The following TRIM28 variants were observed in gnomAD, a reference collection of about 807,000 sequenced individuals.
The protein encoded by TRIM28 is transcription intermediary factor 1-beta.
TRIM28 carries 8 observed loss-of-function variants against 87.4 expected under a neutral mutation model. That is an observed-to-expected ratio of 0.09 (90% CI 0.05 to 0.17). The LOEUF is 0.17. Ranked by LOEUF, TRIM28 falls within the 10% of genes least tolerant of loss-of-function variation. TRIM28 has a pLI of 1.00. For synonymous variants in TRIM28, 601 were observed against 454.3 expected, an observed-to-expected ratio of 1.32 and a Z score of -4.11; for missense variants, 968 against 1,131.8, an observed-to-expected ratio of 0.86 and a Z score of 2.08.
At position 58,550,412 on chromosome 19, in the gene TRIM28, G is replaced by A. The variant is rs750472364; in HGVS notation, c.2367G>A (p.Gln789=). The change falls in exon 17 of 17, where the codon CAG becomes CAA. Residue 789 remains glutamine, a synonymous_variant. Transcript: ENST00000253024. The part of the protein sequence containing the change: ...KADVQSIIGL[Q]RFFETRMNEA... The stretch of plus-strand genomic sequence containing the variant: ...ACGTGCAGTCCATCATCGGCCTGCA[G>A]CGCTTCTTCGAGACGCGCATGAACG... The A allele has an allele frequency of 3.7e-6, 6 of 1,613,892 alleles. No individual in the cohort carries two copies. In the Admixed American group the frequency reaches 5.0e-5, roughly 13 times the overall value.
rs985241922 is a variant in TRIM28, at chr19:58,548,929, C to T, written c.1409+19C>T. Reference sequence around the variant, plus strand: ...TGAAACGGTAAGTATGGCACCTCCCCTGGGGGTGAGGTGGATGGAGGGTGG... The same window carrying T: ...TGAAACGGTAAGTATGGCACCTCCCTTGGGGGTGAGGTGGATGGAGGGTGG... On this transcript the variant is annotated intron_variant, in intron 11 of 16. Coordinates refer to ENST00000253024, the MANE Select transcript of TRIM28 (RefSeq NM_005762.3). 9.3e-6 allele frequency: 15 copies of T among 1,613,956 alleles called. No homozygotes were observed. Among genetic ancestry groups the T allele is most frequent in the Non-Finnish European group, 1.2e-5 (14 of 1,179,994 alleles).
chr19:58,545,616 G>A (rs2053754683), intron 2 of TRIM28, 79 bp downstream of exon 2: 1 of 1,483,958 alleles, frequency 6.7e-7, no homozygotes, highest in Non-Finnish European at 9.3e-7. Context: ...ACCAGCTCCA[G>A]GCTGTTACTC....
chr19:58,550,258 T>C lies in TRIM28; in HGVS notation c.2305T>C (p.Phe769Leu). The C allele has an allele frequency of 6.2e-7, 1 of 1,614,108 alleles. No individual in the cohort carries two copies. Among genetic ancestry groups the C allele is most frequent in the Non-Finnish European group, 8.5e-7 (1 of 1,179,998 alleles). The change falls in exon 16 of 17, where the codon TTC becomes CTC. Residue 769 changes from phenylalanine to leucine, a missense_variant. Coordinates refer to ENST00000253024, the MANE Select transcript of TRIM28 (RefSeq NM_005762.3). ...GTTTGCCCAGGATGTGGGCCGCATG[T>C]TCAAGCAATTCAACAAGTTAACTGA... ...QEFAQDVGRM[F>L]KQFNKLTEDK...
Position 58,545,895 on chromosome 19 carries a change from T to G in TRIM28, c.585T>G (p.Thr195=), listed in dbSNP as rs200096329. 1.3e-6 allele frequency: 2 copies of G among 1,588,236 alleles called. No individual in the cohort carries two copies. The part of the protein sequence containing the change: ...KYTKDHTVRS[T]GPAKSRDGER... ...CCAAGGACCATACTGTGCGCTCTAC[T>G]GGTACATGAGGCTGAGGGGGGCTGT... Residue 195 remains threonine, a splice_region_variant and synonymous_variant, in exon 3 of 17, where the codon ACT becomes ACG. Coordinates refer to ENST00000253024, the MANE Select transcript of TRIM28 (RefSeq NM_005762.3).
rs1310123566 is a variant in TRIM28, at chr19:58,544,863, C to G, written c.106C>G (p.Pro36Ala). 7.6e-7 allele frequency: 1 copy of G among 1,307,916 alleles called. No individual in the cohort carries two copies. Among genetic ancestry groups the G allele is most frequent in the Non-Finnish European group, 9.7e-7 (1 of 1,031,204 alleles). The allele number at this position is 1,307,916 out of a possible 1,614,324, so 81.0% of individuals were successfully genotyped here. The part of the protein sequence containing the change: ...SAGGEKRSTA[P>A]SAAASASASA... ...TGGCGGCGAAAAGCGCTCCACCGCC[C>G]CTTCGGCCGCAGCCTCGGCCTCTGC... The change falls in exon 1 of 17, where the codon CCT (proline) becomes GCT (alanine). Residue 36 changes from proline (P) to alanine (A), a missense_variant. Coordinates refer to ENST00000253024, the MANE Select transcript of TRIM28 (RefSeq NM_005762.3).
rs776336313 is a variant in TRIM28 at position 58,545,547 on chromosome 19, A to G, written c.453+10A>G. 3 of 1,600,820 alleles carry G rather than the reference A, an allele frequency of 1.9e-6. No individual in the cohort carries two copies. The highest frequency in any genetic ancestry group is 2.2e-5 in the East Asian group (1 of 44,774). ...CCAGGATGCGAACCAGGTGCGTCCTATCTCAGCAACCACAAGGAGGTTTCT... is the reference window on the plus strand; with the variant it reads ...CCAGGATGCGAACCAGGTGCGTCCTGTCTCAGCAACCACAAGGAGGTTTCT... On this transcript the variant is annotated intron_variant, in intron 2 of 16. Transcript: ENST00000253024.
At position 58,550,231 on chromosome 19, in the gene TRIM28, G is replaced by C; in HGVS notation, c.2278G>C (p.Glu760Gln). The C allele has an allele frequency of 6.2e-7, 1 of 1,614,098 alleles. No individual in the cohort carries two copies. Among genetic ancestry groups the C allele is most frequent in the Non-Finnish European group, 8.5e-7 (1 of 1,180,004 alleles). ...GTCACCTCCCTACAGCTCCCCACAG[G>C]AGTTTGCCCAGGATGTGGGCCGCAT... is the stretch of plus-strand genomic sequence containing the variant. Reference protein sequence around the residue: ...KLSPPYSSPQEFAQDVGRMFK... With the variant: ...KLSPPYSSPQQFAQDVGRMFK... The change falls in exon 16 of 17, where the codon GAG (glutamate) becomes CAG (glutamine). Residue 760 changes from glutamate (E) to glutamine (Q), a missense_variant. By Grantham distance (29) the Glu-to-Gln change is conservative. Around this residue, in one of 11 missense-constraint regions of TRIM28, gnomAD observed 192 missense variants for 225.6 expected, o/e 0.85. Transcript: ENST00000253024.
chr19:58,545,908 T>G lies in TRIM28; in HGVS notation c.586+12T>G. The G allele has an allele frequency of 1.3e-6, 2 of 1,577,678 alleles. No homozygotes were observed. Among genetic ancestry groups the G allele is most frequent in the Non-Finnish European group, 1.7e-6 (2 of 1,154,046 alleles). ...TGTGCGCTCTACTGGTACATGAGGC[T>G]GAGGGGGGCTGTTGGAGTTGTTCTC... On this transcript the variant is annotated intron_variant, in intron 3 of 16. Coordinates refer to ENST00000253024, the MANE Select transcript of TRIM28 (RefSeq NM_005762.3).
chr19:58,547,492 A>G lies in TRIM28; in HGVS notation c.703A>G (p.Asn235Asp). The G allele has an allele frequency of 6.2e-7, 1 of 1,614,042 alleles. No homozygotes were observed. The highest frequency in any genetic ancestry group is 8.5e-7 in the Non-Finnish European group (1 of 1,180,002). ...TCTCACCTGCCGAGACTGCCAGCTCAATGCCCACAAGGACCACCAGTGAGT... is the reference window on the plus strand; with the variant it reads ...TCTCACCTGCCGAGACTGCCAGCTCGATGCCCACAAGGACCACCAGTGAGT... The part of the protein sequence containing the change: ...DTLTCRDCQL[N>D]AHKDHQYQFL... The change falls in exon 4 of 17, where the codon AAT becomes GAT. Residue 235 changes from asparagine (N) to aspartate (D), a missense_variant. By Grantham distance (23) the Asn-to-Asp change is conservative. Transcript: ENST00000253024.
Position 58,550,711 on chromosome 19 carries a change from C to T in TRIM28, c.*158C>T, listed in dbSNP as rs745342751. ...TCTGTGGATTTAATAAAAACTTCAC[C>T]AGTTCCTCAGGCGTTGGCTGGTTGG... On this transcript the variant is annotated 3_prime_UTR_variant, in exon 17 of 17. Transcript: ENST00000253024. The T allele has an allele frequency of 4.0e-5, 32 of 792,376 alleles. No individual in the cohort carries two copies. Among genetic ancestry groups the T allele is most frequent in the Non-Finnish European group, 5.8e-5 (30 of 513,922 alleles). The allele number at this position is 792,376 out of a possible 1,614,324, so 49.1% of individuals were successfully genotyped here.
At position 58,549,994 on chromosome 19, in the gene TRIM28, C is replaced by T. The variant is rs1205877891; in HGVS notation, c.2152C>T (p.Arg718Cys). 1.2e-6 allele frequency: 2 copies of T among 1,614,104 alleles called. No homozygotes were observed. Among genetic ancestry groups the T allele is most frequent in the Non-Finnish European group, 1.7e-6 (2 of 1,179,994 alleles). The stretch of plus-strand genomic sequence containing the variant: ...GGCCCTATTCTGTCACGAACCCTGC[C>T]GCCCCCTGCATCAGCTGGCTACCGA... ...LLALFCHEPC[R>C]PLHQLATDST... The change falls in exon 15 of 17, where the codon CGC becomes TGC. Residue 718 changes from arginine to cysteine, a missense_variant. This residue lies in a region of TRIM28 where 192 missense variants were observed against 225.6 expected (regional missense o/e 0.85). Coordinates refer to ENST00000253024, the MANE Select transcript of TRIM28 (RefSeq NM_005762.3). This position sits in a 1 kb window ranked among gnomAD's most constrained non-coding sequence, Gnocchi z 4.4.
In TRIM28 at chr19:58,547,804, G is replaced by C. The variant is rs755382796; in HGVS notation, c.852G>C (p.Val284=). 3.7e-6 allele frequency: 6 copies of C among 1,614,162 alleles called. No individual in the cohort carries two copies. Among genetic ancestry groups the C allele is most frequent in the Non-Finnish European group, 3.4e-6 (4 of 1,180,038 alleles). ...CTGTGTCCCCTAGAATCCGCCAGGTGTCTGACGTACAGAAGCGTGTGCAAG... is the reference window on the plus strand; with the variant it reads ...CTGTGTCCCCTAGAATCCGCCAGGTCTCTGACGTACAGAAGCGTGTGCAAG... The part of the protein sequence containing the change: ...TKEVRSSIRQ[V]SDVQKRVQVD... The change falls in exon 6 of 17, where the codon GTG becomes GTC. Residue 284 remains valine (V), a synonymous_variant. Transcript: ENST00000253024.
intron 5 of TRIM28, 36 bp from the exon 6 acceptor site, chr19:58,547,756 A>G: frequency 6.2e-7 from 1 of 1,613,900 alleles, no homozygotes; most frequent in Middle Eastern, 1.7e-4. Context: ...CCAGGGCAGC[A>G]AGACCCTACC....
intron 2 of TRIM28, 108 bp from the exon 3 acceptor site, chr19:58,545,656 T>C: frequency 6.5e-7 from 1 of 1,535,464 alleles, no homozygotes; most frequent in South Asian, 1.2e-5. Context: ...GTGGGCTGCC[T>C]AGGTTGGGTC....
chr19:58,544,737 G>T lies in TRIM28; in HGVS notation c.-21G>T, dbSNP rs1033843395. ...GCCCCGCGCCCCTCCTCCCCCCCTGGGCGCCCCCGGCGGCGTGTGAATGGC... is the reference window on the plus strand; with the variant it reads ...GCCCCGCGCCCCTCCTCCCCCCCTGTGCGCCCCCGGCGGCGTGTGAATGGC... On this transcript the variant is annotated 5_prime_UTR_variant, in exon 1 of 17. Transcript: ENST00000253024. 18 of 1,057,472 alleles carry T rather than the reference G, an allele frequency of 1.7e-5. No individual in the cohort carries two copies. The highest frequency in any genetic ancestry group is 2.1e-5 in the Non-Finnish European group (18 of 877,678). The allele number at this position is 1,057,472 out of a possible 1,614,324, so 65.5% of individuals were successfully genotyped here. A position where few individuals can be genotyped will look rare whatever the true frequency, so the allele number is the denominator to read the frequency against.
In TRIM28 at chr19:58,548,198, C is replaced by G. The variant is rs768997920; in HGVS notation, c.1101+18C>G. ...AGAAGTTGGTGTGTACTGGTGGGCT[C>G]CTGGCTGGTGGGTTCCAGGCAGGTG... On this transcript the variant is annotated intron_variant, in intron 7 of 16. Coordinates refer to ENST00000253024, the MANE Select transcript of TRIM28 (RefSeq NM_005762.3). 9 of 1,613,624 alleles carry G rather than the reference C, an allele frequency of 5.6e-6. No homozygotes were observed. Among genetic ancestry groups the G allele is most frequent in the Non-Finnish European group, 7.6e-6 (9 of 1,179,542 alleles).
rs200549746 is a variant in TRIM28 at position 58,547,789 on chromosome 19, T to C, written c.840-3T>C. ...ACCTAGCCTGACCTGCTGTGTCCCCTAGAATCCGCCAGGTGTCTGACGTAC... is the reference window on the plus strand; with the variant it reads ...ACCTAGCCTGACCTGCTGTGTCCCCCAGAATCCGCCAGGTGTCTGACGTAC... On this transcript the variant is annotated splice_region_variant and splice_polypyrimidine_tract_variant and intron_variant, in intron 5 of 16. Transcript: ENST00000253024. 1.9e-6 allele frequency: 3 copies of C among 1,614,072 alleles called. No individual in the cohort carries two copies. In the East Asian group the frequency reaches 6.7e-5, roughly 36 times the overall value.
chr19:58,548,730 T>A lies in TRIM28; in HGVS notation c.1324-10T>A, dbSNP rs749030497. 8.7e-6 allele frequency: 14 copies of A among 1,613,512 alleles called. No homozygotes were observed. In the South Asian group the frequency reaches 1.5e-4, roughly 18 times the overall value. On this transcript the variant is annotated splice_polypyrimidine_tract_variant and intron_variant, in intron 9 of 16. Transcript: ENST00000253024. ...TCCCACTGAGGCAGAGGGTTCTGCTTTGTTCACAGCCCATGGAGGTGCAGG... is the reference window on the plus strand; with the variant it reads ...TCCCACTGAGGCAGAGGGTTCTGCTATGTTCACAGCCCATGGAGGTGCAGG...
rs1002315257 is a variant in TRIM28, at chr19:58,544,736, G to T, written c.-22G>T. 3.8e-6 allele frequency: 4 copies of T among 1,053,370 alleles called. No individual in the cohort carries two copies. Among genetic ancestry groups the T allele is most frequent in the African/African-American group, 1.7e-5 (1 of 58,332 alleles). 65.3% of individuals were successfully genotyped at this position (1,053,370 alleles called of 1,614,324 possible). A position where few individuals can be genotyped will look rare whatever the true frequency, so the allele number is the denominator to read the frequency against. On this transcript the variant is annotated 5_prime_UTR_variant, in exon 1 of 17. Coordinates refer to ENST00000253024, the MANE Select transcript of TRIM28 (RefSeq NM_005762.3). ...GGCCCCGCGCCCCTCCTCCCCCCCT[G>T]GGCGCCCCCGGCGGCGTGTGAATGG...
Sources: allele counts gnomAD v4.1 joint callset, GRCh38; gene constraint gnomAD v4.1.1; regional missense constraint gnomAD v4.1.1; non-coding constraint Gnocchi (gnomAD v3.1); transcripts MANE v1.5; gene names NCBI Gene and HGNC (gene_info 2026-07-23, HGNC 2026-07-21).